Variants in ERI1 observed in about 807,000 individuals in gnomAD.
The protein encoded by ERI1 is 3'-5' exoribonuclease 1.
In ERI1, 39 loss-of-function variants were observed where a neutral mutation model predicts 39.7. The ratio of observed to expected loss-of-function variants is 0.98; its 90% CI spans 0.76 to 1.28. The LOEUF is 1.28. ERI1 is among the 50% of genes most tolerant of loss of function. ERI1 has a pLI of 0.00. For synonymous variants in ERI1, 204 were observed against 149.6 expected (o/e 1.36, Z -2.65); for missense variants, 581 against 416.9 (o/e 1.39, Z -3.43).
chr8:9,022,084 A>G (rs1321731934), intron 6 of ERI1, among the ~76,000 whole-genome samples: 2 of 151,984 alleles, frequency 1.3e-5, no homozygotes, highest in Admixed American at 6.6e-5. Flanking sequence ...TAGTTTTCCA[A>G]TGGAATTGTA....
intron 3 of ERI1, among the ~76,000 whole-genome samples, chr8:9,073,860 C>A (rs1204299676): frequency 6.6e-6 from 1 of 152,086 alleles, no homozygotes. Flanking sequence ...TCACAACTAG[C>A]TTCTTAAAAA....
At chr8:9,050,469 T>G (rs1405933976) in intron 3 of ERI1, among the ~76,000 whole-genome samples, 1 of 148,866 alleles carries the variant, frequency 6.7e-6, no homozygotes, top group Non-Finnish European at 1.5e-5. Context: ...ACGGTGCCAT[T>G]ACACTCCAGC....
downstream of ERI1, among the ~76,000 whole-genome samples, chr8:9,035,374 G>A (rs184441967): frequency 6.6e-6 from 1 of 152,132 alleles, no homozygotes; most frequent in Non-Finnish European, 1.5e-5. Flanking sequence ...TGTTGTTAAG[G>A]GCTAATGTAG....
intron 3 of ERI1, among the ~76,000 whole-genome samples, chr8:9,056,342 G>A (rs1261522442): frequency 2.0e-5 from 3 of 152,188 alleles, no homozygotes; most frequent in Admixed American, 6.5e-5. Flanking sequence ...ATCTGTTGGG[G>A]TAAGGGGTTA....
intron 3 of ERI1, among the ~76,000 whole-genome samples, chr8:9,052,214 C>T (rs111898375): frequency 0.021 from 3,202 of 152,282 alleles, 96 homozygotes; most frequent in South Asian, 0.091. Context: ...TGAGTTTCAG[C>T]TACTGCTCCT....
intron 3 of ERI1, among the ~76,000 whole-genome samples, chr8:9,057,788 T>G (rs892844884): frequency 6.6e-6 from 1 of 152,082 alleles, no homozygotes; most frequent in Non-Finnish European, 1.5e-5. Context: ...CTGCTGCAGA[T>G]GTAAAGTGTG....
chr8:9,096,365 G>A (rs767382553), intron 3 of ERI1, among the ~76,000 whole-genome samples: 11 of 152,130 alleles, frequency 7.2e-5, no homozygotes, highest in African/African-American at 1.7e-4. Context: ...CAAAACAAGG[G>A]GTGTCTGAGG....
intron 4 of ERI1, among the ~76,000 whole-genome samples, 194 bp from the exon 5 acceptor site, chr8:9,018,103 C>A (rs1817493942): frequency 6.6e-6 from 1 of 152,132 alleles, no homozygotes; most frequent in South Asian, 2.1e-4. Context: ...AAAGTAGTCC[C>A]AGTACTTGGT....
At chr8:9,017,342 T>C (rs188132311) in intron 4 of ERI1, among the ~76,000 whole-genome samples, 1 of 152,206 alleles carries the variant, frequency 6.6e-6, no homozygotes. Context: ...CTAGCCTGTT[T>C]CATGAATTTT....
chr8:9,012,385 T>C (rs760603652), intron 3 of ERI1, among the ~76,000 whole-genome samples: 51 of 152,340 alleles, frequency 3.3e-4, no homozygotes, highest in Admixed American at 1.1e-3. Flanking sequence ...GTTTACCTTA[T>C]AAAATCTGAG....
At chr8:9,013,801 C>T (rs915866029) in intron 3 of ERI1, among the ~76,000 whole-genome samples, 2 of 152,150 alleles carry the variant, frequency 1.3e-5, no homozygotes, top group African/African-American at 4.8e-5. Flanking sequence ...ACTTTGGAGT[C>T]ATCTTTGACT....
chr8:9,046,794 C>T lies in ERI1; in HGVS notation n.299+26330C>T, dbSNP rs1002379064. ...CTGGATTGGAAGAAATGGAAGAAAG[C>T]AGTGGAAGTTCCACTCTCACAAGCA... On this transcript the variant is annotated intron_variant and non_coding_transcript_variant, in intron 3 of 3. Transcript: ENST00000518663. 1.5e-3 allele frequency among the ~76,000 whole-genome samples: 222 copies of T among 152,302 alleles called. 1 individual carries two copies. Among genetic ancestry groups the T allele is most frequent in the African/African-American group, 5.1e-3 (211 of 41,556 alleles).
At chr8:9,008,551 A>G (rs1161142534) in intron 2 of ERI1, among the ~76,000 whole-genome samples, 1 of 152,210 alleles carries the variant, frequency 6.6e-6, no homozygotes, top group Non-Finnish European at 1.5e-5. Flanking sequence ...TAAATTAAAA[A>G]CATTCACTTA....
intron 3 of ERI1, among the ~76,000 whole-genome samples, chr8:9,052,057 A>C (rs758973778): frequency 4.6e-5 from 7 of 152,240 alleles, no homozygotes; most frequent in Non-Finnish European, 1.0e-4. Context: ...ATTAATGTTT[A>C]TAAAGTGCTT....
intron 3 of ERI1, among the ~76,000 whole-genome samples, chr8:9,015,012 A>T (rs1817078026): frequency 6.6e-6 from 1 of 151,968 alleles, no homozygotes; most frequent in South Asian, 2.1e-4. Context: ...TAATTTTTGT[A>T]TTTTTAGTAG....
intron 3 of ERI1, among the ~76,000 whole-genome samples, chr8:9,069,072 G>C (rs1210744549): frequency 6.6e-6 from 1 of 152,196 alleles, no homozygotes; most frequent in Non-Finnish European, 1.5e-5. Flanking sequence ...TCCCACCTCA[G>C]CCTCGCAAAG....
Position 9,054,937 on chromosome 8 carries a change from CAATA to C in ERI1, n.299+34484_299+34487del, listed in dbSNP as rs1374544913. 2.0e-5 allele frequency among the ~76,000 whole-genome samples: 3 copies of C among 152,050 alleles called. No individual in the cohort carries two copies. In the East Asian group the frequency reaches 5.8e-4, roughly 29 times the overall value. The stretch of plus-strand genomic sequence containing the variant: ...AGCAAGACTCTGTCTCAAAAATAAA[CAATA>C]AATAAATAAAATCAACACATAATAA... On this transcript the variant is annotated intron_variant and non_coding_transcript_variant, in intron 3 of 3. Coordinates refer to the ERI1 transcript ENST00000518663.
At chr8:9,074,204 A>G (rs562220464) in intron 3 of ERI1, among the ~76,000 whole-genome samples, 3 of 151,642 alleles carry the variant, frequency 2.0e-5, no homozygotes, top group East Asian at 1.9e-4. Flanking sequence ...TCCGCCTCCC[A>G]GGTTCAAGTG....
chr8:9,049,280 G>A (rs1158958436), intron 3 of ERI1, among the ~76,000 whole-genome samples: 3 of 130,162 alleles, frequency 2.3e-5, no homozygotes, highest in Non-Finnish European at 4.7e-5. Context: ...AGCTTGCAGT[G>A]AGCCGAGAGC....
Sources: allele counts gnomAD v4.1 joint callset (sites outside exome capture counted in the v4.1 genomes callset), GRCh38; gene constraint gnomAD v4.1.1; transcripts MANE v1.5; gene names NCBI Gene and HGNC (gene_info 2026-07-23, HGNC 2026-07-21).